TPTE2: variants seen among roughly 807,000 people sequenced by gnomAD.
TPTE2 encodes the protein phosphatidylinositol 3,4,5-trisphosphate 3-phosphatase TPTE2.
TPTE2 carries 53 observed loss-of-function variants against 78.6 expected under a neutral mutation model. The ratio of observed to expected loss-of-function variants is 0.67; its 90% CI spans 0.54 to 0.85. The LOEUF (loss-of-function observed/expected upper bound fraction) is 0.85, where lower values mean the gene tolerates loss of function less well. TPTE2 is among the 40% of genes least tolerant of loss of function. TPTE2 has a pLI of 0.00. For synonymous variants in TPTE2, 175 were observed against 206.2 expected (o/e 0.85, Z 1.30); for missense variants, 461 against 623.0 (o/e 0.74, Z 2.77).
At chr13:19,472,302 G>A (rs1879669188) in intron 6 of TPTE2, among the ~76,000 whole-genome samples, 1 of 151,942 alleles carries the variant, frequency 6.6e-6, no homozygotes, top group African/African-American at 2.4e-5. Context: ...ACTTAGATTT[G>A]TCCTTTTGAG....
At chr13:19,456,050 A>G (rs914069034) in intron 10 of TPTE2, among the ~76,000 whole-genome samples, 2 of 152,214 alleles carry the variant, frequency 1.3e-5, no homozygotes, top group Non-Finnish European at 2.9e-5. Flanking sequence ...TTCAATAAAG[A>G]AAGAAAAAAG....
At chr13:19,508,118 A>G (rs555661924), upstream of TPTE2, among the ~76,000 whole-genome samples, 175 of 152,264 alleles carry the variant, frequency 1.1e-3, no homozygotes, top group Non-Finnish European at 2.0e-3. Flanking sequence ...TTTCAGTGAG[A>G]CTGACTATAT....
intron 10 of TPTE2, among the ~76,000 whole-genome samples, chr13:19,457,230 AATATCATCAAGAT>A (rs1203276229): frequency 6.6e-6 from 1 of 152,204 alleles, no homozygotes; most frequent in Non-Finnish European, 1.5e-5. Flanking sequence ...ACTCAGGTAT[AATATCATCAAGAT>A]ATATACTTGA....
chr13:19,557,187 A>G, the TPTE2 span, among the ~76,000 whole-genome samples: 8 of 152,232 alleles, frequency 5.3e-5, no homozygotes, highest in Admixed American at 2.0e-4. Flanking sequence ...AACCCAAATT[A>G]GTAGCTAATC....
At chr13:19,510,607 C>A (rs2137693174) in intron 1 of TPTE2, among the ~76,000 whole-genome samples, 1 of 152,112 alleles carries the variant, frequency 6.6e-6, no homozygotes, top group East Asian at 1.9e-4. Context: ...GTACAAACCT[C>A]CAAACAATAG....
chr13:19,507,758 G>A (rs1242011025), upstream of TPTE2, among the ~76,000 whole-genome samples: 2 of 152,168 alleles, frequency 1.3e-5, no homozygotes, highest in African/African-American at 4.8e-5. Flanking sequence ...AATTGCGGGT[G>A]GCTGACTGAT....
At chr13:19,505,925 T>C (rs1246895023), upstream of TPTE2, 4 of 151,502 alleles carry the variant, frequency 2.6e-5, no homozygotes, top group Admixed American at 2.6e-4. Flanking sequence ...TCGTCCTCTT[T>C]TATCCAATTT....
At chr13:19,452,850 T>C (rs1878264927) in intron 10 of TPTE2, among the ~76,000 whole-genome samples, 1 of 152,256 alleles carries the variant, frequency 6.6e-6, no homozygotes, top group East Asian at 1.9e-4. Flanking sequence ...TGTTGCTGTA[T>C]TGTTGATTAT....
At chr13:19,457,450 T>C (rs1363593449) in intron 10 of TPTE2, among the ~76,000 whole-genome samples, 2 of 152,190 alleles carry the variant, frequency 1.3e-5, no homozygotes, top group African/African-American at 4.8e-5. Context: ...GGTGGTTTGC[T>C]GCACAGATCA....
Position 19,474,010 on chromosome 13 carries a change from T to C in TPTE2, c.296A>G (p.Asp99Gly), listed in dbSNP as rs375485086. ...CTCCAAAGGAATATAAAGTTTGCTG[T>C]CAGTGAAAATTAGGTCGGCAAGGAG... Residue 99 changes from aspartate (D) to glycine (G), a missense_variant, in exon 6 of 20, where the codon GAC becomes GGC. Physicochemically the swap from Asp to Gly is moderately conservative, Grantham distance 94. Transcript: ENST00000400230. 1.7e-4 allele frequency: 278 copies of C among 1,609,834 alleles called. No homozygotes were observed. Among genetic ancestry groups the C allele is most frequent in the Non-Finnish European group, 2.2e-4 (262 of 1,179,116 alleles).
intron 16 of TPTE2, among the ~76,000 whole-genome samples, chr13:19,430,879 C>G (rs1314650891): frequency 6.6e-6 from 1 of 152,116 alleles, no homozygotes; most frequent in Non-Finnish European, 1.5e-5. Flanking sequence ...GTAATCCTAG[C>G]ACTTTGGGAG....
At chr13:19,468,096 A>G (rs1166148042) in intron 6 of TPTE2, among the ~76,000 whole-genome samples, 4 of 111,694 alleles carry the variant, frequency 3.6e-5, no homozygotes, top group African/African-American at 1.4e-4. Flanking sequence ...GCTGGAGTGC[A>G]ATGGCGTGAT....
chr13:19,467,121 T>C (rs1001900416), intron 7 of TPTE2, 104 bp downstream of exon 10: 2 of 1,345,460 alleles, frequency 1.5e-6, no homozygotes, highest in Admixed American at 2.7e-5. Flanking sequence ...GTATTTGGTA[T>C]AGATGAGAAC....
At chr13:19,428,628 A>G (rs1378756853) in intron 17 of TPTE2, among the ~76,000 whole-genome samples, 1 of 151,952 alleles carries the variant, frequency 6.6e-6, no homozygotes, top group Non-Finnish European at 1.5e-5. Context: ...CAAAAAATAA[A>G]AAAAATTAGG....
chr13:19,511,859 T>TA (rs140880516), intron 1 of TPTE2, among the ~76,000 whole-genome samples: 2,438 of 150,530 alleles, frequency 0.016, 23 homozygotes, highest in African/African-American at 0.018. Context: ...CCACTTTTTT[T>TA]AAAAAAAAAA....
chr13:19,493,711 G>A, intron 1 of TPTE2: 1 of 618,352 alleles, frequency 1.6e-6, no homozygotes, highest in Non-Finnish European at 2.9e-6. Context: ...GGGGAAAATT[G>A]TAATGCTTCC....
At chr13:19,494,216 T>A (rs1488527249) in intron 1 of TPTE2, among the ~76,000 whole-genome samples, 1 of 152,178 alleles carries the variant, frequency 6.6e-6, no homozygotes, top group East Asian at 1.9e-4. Flanking sequence ...GAAGCCTCTC[T>A]CTATAGTCAG....
the TPTE2 span, among the ~76,000 whole-genome samples, chr13:19,545,441 G>A: frequency 6.6e-6 from 1 of 152,200 alleles, no homozygotes; most frequent in African/African-American, 2.4e-5. Flanking sequence ...AATGGAAAGA[G>A]GAAATAAGTT....
At chr13:19,440,068 T>C (rs765965801) in intron 13 of TPTE2, among the ~76,000 whole-genome samples, 46 of 152,198 alleles carry the variant, frequency 3.0e-4, no homozygotes, top group Non-Finnish European at 6.6e-4. Flanking sequence ...TGAATCTTGC[T>C]AGATAGACAT....
Sources: allele counts gnomAD v4.1 joint callset (sites outside exome capture counted in the v4.1 genomes callset), GRCh38; gene constraint gnomAD v4.1.1; transcripts MANE v1.5; gene names NCBI Gene and HGNC (gene_info 2026-07-23, HGNC 2026-07-21).